ATP6V0A4: variants seen among roughly 807,000 people sequenced by gnomAD.
The protein encoded by ATP6V0A4 is V-type proton ATPase 116 kDa subunit a 4.
A neutral mutation model predicts 107.3 loss-of-function variants in ATP6V0A4; 86 were observed. The ratio of observed to expected loss-of-function variants is 0.80; its 90% CI spans 0.67 to 0.96. The LOEUF (loss-of-function observed/expected upper bound fraction) is 0.96. Ranked by LOEUF, ATP6V0A4 falls within the 40% of genes least tolerant of loss-of-function variation. ATP6V0A4 has a pLI of 0.00. For missense variants in ATP6V0A4, 908 were observed against 1,045.6 expected, an observed-to-expected ratio of 0.87 and a Z score of 1.81; for synonymous variants, 353 against 381.4, an observed-to-expected ratio of 0.93 and a Z score of 0.87.
At chr7:138,732,169 A>T (rs1041815778) in intron 17 of ATP6V0A4, among the ~76,000 whole-genome samples, 4 of 152,142 alleles carry the variant, frequency 2.6e-5, no homozygotes, top group Admixed American at 6.5e-5. Context: ...TTCAATTATT[A>T]TTCTTGTTAA....
chr7:138,724,936 A>C (rs191031547), intron 18 of ATP6V0A4, among the ~76,000 whole-genome samples: 45 of 152,300 alleles, frequency 3.0e-4, no homozygotes, highest in African/African-American at 1.0e-3. Context: ...ATGAAATAAA[A>C]CATATAGCAA....
intron 1 of ATP6V0A4, among the ~76,000 whole-genome samples, chr7:138,792,003 T>C (rs1808432837): frequency 6.6e-6 from 1 of 152,132 alleles, no homozygotes; most frequent in Admixed American, 6.5e-5. Flanking sequence ...ATGACTACAA[T>C]GGTATAAAAA....
chr7:138,767,242 G>T (rs1445939658), intron 5 of ATP6V0A4, among the ~76,000 whole-genome samples: 2 of 152,166 alleles, frequency 1.3e-5, no homozygotes, highest in African/African-American at 4.8e-5. Context: ...CAATAAACAG[G>T]CCAGGCGAGG....
rs112901247 is a variant in ATP6V0A4 at position 138,750,298 on chromosome 7, T to A, written c.1030-981A>T. On this transcript the variant is annotated intron_variant, in intron 11 of 21. Coordinates refer to ENST00000310018, the MANE Select transcript of ATP6V0A4 (RefSeq NM_020632.3). Reference sequence around the variant, plus strand: ...CTTCCTGAGACAGGAAGTCCCAGGCTGGAGTGCAGTAACATGATCATAGCT... The same window carrying A: ...CTTCCTGAGACAGGAAGTCCCAGGCAGGAGTGCAGTAACATGATCATAGCT... 7.8e-3 allele frequency among the ~76,000 whole-genome samples: 1,193 copies of A among 152,150 alleles called. 20 individuals carry two copies. The highest frequency in any genetic ancestry group is 0.027 in the African/African-American group (1,129 of 41,500).
At chr7:138,783,836 G>T (rs1432507433) in intron 2 of ATP6V0A4, among the ~76,000 whole-genome samples, 1 of 152,144 alleles carries the variant, frequency 6.6e-6, no homozygotes, top group Non-Finnish European at 1.5e-5. Flanking sequence ...GAAGTTTCCT[G>T]TCTGAGCTCA....
chr7:138,797,863 C>T (rs553272256), intron 1 of ATP6V0A4, 171 bp downstream of exon 1: 102 of 845,232 alleles, frequency 1.2e-4, no homozygotes, highest in Non-Finnish European at 1.7e-4. Flanking sequence ...ACAGCTTGCC[C>T]CTCCCTTCCT....
intron 5 of ATP6V0A4, among the ~76,000 whole-genome samples, chr7:138,766,730 G>A (rs1807112546): frequency 6.6e-6 from 1 of 152,092 alleles, no homozygotes. Context: ...CCTTGGCATG[G>A]TTGAAGTCAG....
At chr7:138,769,533 T>A (rs928827799) in intron 3 of ATP6V0A4, among the ~76,000 whole-genome samples, 2 of 152,130 alleles carry the variant, frequency 1.3e-5, no homozygotes, top group African/African-American at 4.8e-5. Context: ...CAGGCTGGCC[T>A]CAAGCTCCTG....
At chr7:138,725,981 G>GTTTATTTATTTA (rs71520024) in intron 18 of ATP6V0A4, among the ~76,000 whole-genome samples, 1 of 150,604 alleles carries the variant, frequency 6.6e-6, no homozygotes, top group Non-Finnish European at 1.5e-5. Context: ...TTGAAATGAA[G>GTTTATTTATTTA]TTTATTTATT....
intron 18 of ATP6V0A4, among the ~76,000 whole-genome samples, chr7:138,726,657 C>T (rs1382207225): frequency 6.6e-6 from 1 of 152,150 alleles, no homozygotes; most frequent in African/African-American, 2.4e-5. Context: ...GCAAATAATG[C>T]CATTATAGGA....
At chr7:138,757,649 G>A (rs563178055) in intron 8 of ATP6V0A4, among the ~76,000 whole-genome samples, 31 of 152,288 alleles carry the variant, frequency 2.0e-4, no homozygotes, top group Non-Finnish European at 2.8e-4. Context: ...GGGACCTATC[G>A]GGTGTCATTA....
chr7:138,742,294 G>T (rs982487777), intron 14 of ATP6V0A4, among the ~76,000 whole-genome samples: 3 of 152,068 alleles, frequency 2.0e-5, no homozygotes, highest in Non-Finnish European at 4.4e-5. Flanking sequence ...GGGTGTAGTG[G>T]CACACGCCTG....
At chr7:138,789,014 G>A (rs923643254) in intron 1 of ATP6V0A4, among the ~76,000 whole-genome samples, 17 of 152,214 alleles carry the variant, frequency 1.1e-4, no homozygotes, top group African/African-American at 3.9e-4. Flanking sequence ...AGATTGGCCC[G>A]GATGGTCTCT....
chr7:138,774,336 T>C (rs1299413383), intron 2 of ATP6V0A4, among the ~76,000 whole-genome samples: 2 of 152,028 alleles, frequency 1.3e-5, no homozygotes, highest in Non-Finnish European at 2.9e-5. Context: ...TCCAGCACTT[T>C]GGGAGGCTGA....
chr7:138,748,194 G>A (rs1399426109), intron 12 of ATP6V0A4, among the ~76,000 whole-genome samples: 1 of 150,904 alleles, frequency 6.6e-6, no homozygotes, highest in African/African-American at 2.4e-5. Context: ...TCTCTCTCTA[G>A]GTGCTTTCTA....
At chr7:138,763,174 CAG>C in intron 5 of ATP6V0A4, 149 bp from the exon 6 acceptor site, 3 of 863,404 alleles carry the variant, frequency 3.5e-6, no homozygotes, top group Non-Finnish European at 5.4e-6. Context: ...CAGACACACA[CAG>C]ACACACACAG....
intron 11 of ATP6V0A4, among the ~76,000 whole-genome samples, chr7:138,751,913 G>A (rs1172276914): frequency 6.6e-6 from 1 of 152,120 alleles, no homozygotes; most frequent in Non-Finnish European, 1.5e-5. Flanking sequence ...TGAGATGGGA[G>A]GATCACCTGA....
In ATP6V0A4 at chr7:138,794,909, T is replaced by A. The variant is rs1022058925; in HGVS notation, c.-121+3125A>T. 1.4e-4 allele frequency among the ~76,000 whole-genome samples: 21 copies of A among 151,952 alleles called. No individual in the cohort carries two copies. In the East Asian group the frequency reaches 3.1e-3, roughly 22 times the overall value. On this transcript the variant is annotated intron_variant, in intron 1 of 21. Coordinates refer to ENST00000310018, the MANE Select transcript of ATP6V0A4 (RefSeq NM_020632.3). Reference sequence around the variant, plus strand: ...TCCAGCCCACCCTATTTTTTTTTTTTTTTTTTGAGACAGAGTCTCACTCTG... The same window carrying A: ...TCCAGCCCACCCTATTTTTTTTTTTATTTTTTGAGACAGAGTCTCACTCTG...
At chr7:138,744,683 A>G (rs1188309058) in intron 14 of ATP6V0A4, among the ~76,000 whole-genome samples, 1 of 149,238 alleles carries the variant, frequency 6.7e-6, no homozygotes, top group Non-Finnish European at 1.5e-5. Flanking sequence ...AAGGCGTGCC[A>G]ACACACTTGG....
Sources: gnomAD v4.1 joint callset for allele counts (sites outside exome capture counted in the v4.1 genomes callset) on GRCh38, gnomAD v4.1.1 for gene constraint, MANE v1.5 for transcripts, NCBI Gene and HGNC (gene_info 2026-07-23, HGNC 2026-07-21) for gene names.